The following SLC35F4 variants were observed in gnomAD, a reference collection of about 807,000 sequenced individuals.
SLC35F4 encodes solute carrier family 35 member F4, also known as chromosome 14 open reading frame 36.
Under a neutral mutation model 44.2 loss-of-function variants are expected in SLC35F4, and 24 were observed. The observed-to-expected ratio is 0.54, with a 90% CI of 0.39 to 0.76. The LOEUF (loss-of-function observed/expected upper bound fraction) is 0.76. Ranked by LOEUF, SLC35F4 falls within the 30% of genes least tolerant of loss-of-function variation. SLC35F4 has a pLI of 0.00. For missense variants in SLC35F4, 562 were observed against 586.1 expected (o/e 0.96, Z 0.42); for synonymous variants, 238 against 223.6 (o/e 1.06, Z -0.57).
At chr14:57,945,698 A>T (rs1017318632) in intron 1 of SLC35F4, among the ~76,000 whole-genome samples, 2 of 152,132 alleles carry the variant, frequency 1.3e-5, no homozygotes, top group African/African-American at 4.8e-5. Flanking sequence ...GAATCTTCAC[A>T]CTGTTTTCCA....
In SLC35F4 at chr14:57,792,250, T is replaced by TA. The variant is rs568578093; in HGVS notation, c.103+73472dup. ...TGCAAGAATATCTATAATCAAAAAA[T>TA]AAAAAACAGTAGATATTGGCATGGA... is the stretch of plus-strand genomic sequence containing the variant. On this transcript the variant is annotated intron_variant, in intron 1 of 7. Coordinates refer to ENST00000556826, the MANE Select transcript of SLC35F4 (RefSeq NM_001306087.2). Among the ~76,000 whole-genome samples, 14 of 151,970 alleles carry TA rather than the reference T, an allele frequency of 9.2e-5. No homozygotes were observed. In the South Asian group the frequency reaches 1.7e-3, roughly 18 times the overall value.
At chr14:57,827,153 A>G (rs903202624) in intron 1 of SLC35F4, among the ~76,000 whole-genome samples, 1 of 152,228 alleles carries the variant, frequency 6.6e-6, no homozygotes, top group Non-Finnish European at 1.5e-5. Flanking sequence ...TGTGGTATAT[A>G]TTTACCATGG....
intron 1 of SLC35F4, among the ~76,000 whole-genome samples, chr14:57,810,733 G>A (rs1008786006): frequency 6.6e-6 from 1 of 152,210 alleles, no homozygotes; most frequent in East Asian, 1.9e-4. Context: ...AAAAGGCCAG[G>A]CCTTAGCTTG....
intron 1 of SLC35F4, among the ~76,000 whole-genome samples, chr14:57,892,690 T>A (rs1237556646): frequency 2.6e-5 from 4 of 152,218 alleles, no homozygotes; most frequent in Non-Finnish European, 4.4e-5. Context: ...ACAAAATGAC[T>A]TGGATTAGCA....
In SLC35F4 at chr14:57,694,774, A is replaced by T. The variant is rs2075334208; in HGVS notation, c.104-100650T>A. Among the ~76,000 whole-genome samples, 2 of 152,118 alleles carry T rather than the reference A, an allele frequency of 1.3e-5. 1 individual carries two copies. Among genetic ancestry groups the T allele is most frequent in the South Asian group, 4.1e-4 (2 of 4,826 alleles). On this transcript the variant is annotated intron_variant, in intron 1 of 7. Transcript: ENST00000556826. Reference sequence around the variant, plus strand: ...GTCTTATACATAATTTGTCAGATTTATTCTTATTTGATTTTTGATGCTATT... The same window carrying T: ...GTCTTATACATAATTTGTCAGATTTTTTCTTATTTGATTTTTGATGCTATT...
chr14:57,967,705 A>C (rs905925517), intron 1 of SLC35F4, among the ~76,000 whole-genome samples: 3 of 152,220 alleles, frequency 2.0e-5, no homozygotes, highest in Non-Finnish European at 2.9e-5. Context: ...TTGCTTCCAC[A>C]ATCACACAGC....
intron 1 of SLC35F4, among the ~76,000 whole-genome samples, chr14:57,594,880 C>T (rs181018528): frequency 5.3e-4 from 81 of 152,292 alleles, no homozygotes; most frequent in African/African-American, 1.7e-3. Context: ...TCTCCAACCC[C>T]GGGTCAGCCT....
chr14:57,903,215 A>G (rs1889042602), intron 1 of SLC35F4, among the ~76,000 whole-genome samples: 1 of 152,132 alleles, frequency 6.6e-6, no homozygotes, highest in Non-Finnish European at 1.5e-5. Context: ...TCTCAACACA[A>G]TAAGGAAAAG....
intron 1 of SLC35F4, among the ~76,000 whole-genome samples, chr14:57,887,380 C>T (rs1254778188): frequency 1.3e-5 from 2 of 152,166 alleles, no homozygotes; most frequent in African/African-American, 4.8e-5. Flanking sequence ...CAGAGGCACA[C>T]CAGCTCAACT....
intron 1 of SLC35F4, among the ~76,000 whole-genome samples, chr14:57,853,009 G>A (rs1211826745): frequency 6.6e-6 from 1 of 152,192 alleles, no homozygotes; most frequent in Non-Finnish European, 1.5e-5. Flanking sequence ...GCAGGATAGT[G>A]TAATGTTCAA....
At chr14:57,893,917 T>C (rs1255322656) in intron 1 of SLC35F4, among the ~76,000 whole-genome samples, 1 of 152,158 alleles carries the variant, frequency 6.6e-6, no homozygotes, top group African/African-American at 2.4e-5. Flanking sequence ...GCTGGGATTA[T>C]TTTTACTTTT....
At chr14:57,708,420 G>C (rs1196785924) in intron 1 of SLC35F4, among the ~76,000 whole-genome samples, 1 of 152,194 alleles carries the variant, frequency 6.6e-6, no homozygotes, top group Non-Finnish European at 1.5e-5. Flanking sequence ...GGCTCTGTGT[G>C]AATTACTCTT....
chr14:57,975,301 T>C (rs1881183902), downstream of SLC35F4, among the ~76,000 whole-genome samples: 1 of 152,196 alleles, frequency 6.6e-6, no homozygotes, highest in Non-Finnish European at 1.5e-5. Flanking sequence ...AAACCCTACC[T>C]CTTTTAGTAA....
intron 1 of SLC35F4, among the ~76,000 whole-genome samples, chr14:57,716,428 A>C (rs1036447923): frequency 1.3e-5 from 2 of 152,232 alleles, no homozygotes; most frequent in African/African-American, 4.8e-5. Flanking sequence ...GAATATAAAT[A>C]ACTCCCACAT....
chr14:57,776,258 A>T (rs2077484620), intron 1 of SLC35F4, among the ~76,000 whole-genome samples: 1 of 152,182 alleles, frequency 6.6e-6, no homozygotes. Context: ...TCTCCAACCT[A>T]GCTAGAGAGG....
At chr14:57,882,896 C>T (rs540561485) in intron 1 of SLC35F4, among the ~76,000 whole-genome samples, 14 of 152,298 alleles carry the variant, frequency 9.2e-5, no homozygotes, top group East Asian at 3.9e-4. Context: ...CCCTTGACTT[C>T]GGGCTTGGCC....
chr14:57,731,499 C>A (rs41358351), intron 1 of SLC35F4, among the ~76,000 whole-genome samples: 2,710 of 152,202 alleles, frequency 0.018, 76 homozygotes, highest in African/African-American at 0.059. Flanking sequence ...TTGCCAGAGC[C>A]TTTTTCTTTC....
intron 1 of SLC35F4, among the ~76,000 whole-genome samples, chr14:57,612,804 G>C (rs1436336592): frequency 1.3e-5 from 2 of 152,184 alleles, no homozygotes; most frequent in Non-Finnish European, 2.9e-5. Context: ...ATGAACAAGA[G>C]TAGCAATACC....
At chr14:57,798,353 A>G (rs2078105775) in intron 1 of SLC35F4, among the ~76,000 whole-genome samples, 1 of 152,104 alleles carries the variant, frequency 6.6e-6, no homozygotes, top group Non-Finnish European at 1.5e-5. Context: ...GACAGTGAAA[A>G]CAATTTTAAA....
Sources: allele counts gnomAD v4.1 joint callset (sites outside exome capture counted in the v4.1 genomes callset), GRCh38; gene constraint gnomAD v4.1.1; transcripts MANE v1.5; gene names NCBI Gene and HGNC (gene_info 2026-07-23, HGNC 2026-07-21).